DLG2: variants seen among roughly 807,000 people sequenced by gnomAD.
DLG2 encodes the protein discs large MAGUK scaffold protein 2.
DLG2 carries 45 observed loss-of-function variants against 132.5 expected under a neutral mutation model. The observed-to-expected ratio is 0.34, with a 90% CI of 0.27 to 0.44. DLG2 has a LOEUF of 0.44. Among genes scored for constraint, DLG2 ranks in the 20% least tolerant of loss-of-function variants. The pLI, the probability that DLG2 is intolerant of heterozygous loss-of-function variation, is 1.00. For missense variants in DLG2, 1,045 were observed against 1,196.9 expected, an observed-to-expected ratio of 0.87 and a Z score of 1.87; for synonymous variants, 424 against 419.6, an observed-to-expected ratio of 1.01 and a Z score of -0.13.
chr11:83,712,190 T>C lies in DLG2; in HGVS notation c.1825+74500A>G, dbSNP rs146151371. Among the ~76,000 whole-genome samples the C allele has an allele frequency of 6.6e-3, 1,006 of 152,272 alleles. 10 individuals are homozygous for C. Among genetic ancestry groups the C allele is most frequent in the African/African-American group, 0.023 (950 of 41,534 alleles). On this transcript the variant is annotated intron_variant, in intron 18 of 27. Coordinates refer to ENST00000376104, the MANE Select transcript of DLG2 (RefSeq NM_001142699.3). Reference sequence around the variant, plus strand: ...ACCTAAAGGAATATAAGTCATTCTATTATAAAGATACATGCACGTGTATGT... The same window carrying C: ...ACCTAAAGGAATATAAGTCATTCTACTATAAAGATACATGCACGTGTATGT...
chr11:83,480,148 A>G (rs998426448), intron 22 of DLG2, among the ~76,000 whole-genome samples: 1 of 152,118 alleles, frequency 6.6e-6, no homozygotes, highest in African/African-American at 2.4e-5. Context: ...GGAATTGTTT[A>G]TTAGCAAGAC....
At chr11:85,150,010 A>ATTTTTTTTTTTTTTTTTTTTT (rs962380618) in intron 5 of DLG2, among the ~76,000 whole-genome samples, 8 of 112,302 alleles carry the variant, frequency 7.1e-5, no homozygotes, top group Admixed American at 9.1e-5. Flanking sequence ...TCAGTTTTTA[A>ATTTTTTTTTTTTTTTTTTTTT]TTTTTTTTTT....
At chr11:83,820,448 A>G (rs528211951) in intron 17 of DLG2, among the ~76,000 whole-genome samples, 2 of 152,192 alleles carry the variant, frequency 1.3e-5, no homozygotes, top group Non-Finnish European at 2.9e-5. Flanking sequence ...AGAAACAACC[A>G]ATTATTATCA....
At chr11:84,201,113 A>C (rs1382312225) in intron 8 of DLG2, among the ~76,000 whole-genome samples, 1 of 152,114 alleles carries the variant, frequency 6.6e-6, no homozygotes, top group African/African-American at 2.4e-5. Flanking sequence ...ATTTTGAGGT[A>C]TGTTCCTTCA....
intron 3 of DLG2, among the ~76,000 whole-genome samples, chr11:85,559,133 T>C (rs1598508387): frequency 2.0e-5 from 3 of 151,280 alleles, no homozygotes; most frequent in Admixed American, 2.0e-4. Flanking sequence ...TCACATATTA[T>C]ATGGCTTCCA....
At chr11:84,393,517 G>C (rs2098800279) in intron 7 of DLG2, among the ~76,000 whole-genome samples, 1 of 152,028 alleles carries the variant, frequency 6.6e-6, no homozygotes, top group African/African-American at 2.4e-5. Flanking sequence ...GAACTATATA[G>C]AAACAGAATC....
chr11:83,747,174 T>C (rs1451305783), intron 18 of DLG2, among the ~76,000 whole-genome samples: 1 of 152,188 alleles, frequency 6.6e-6, no homozygotes, highest in Non-Finnish European at 1.5e-5. Context: ...CTGCAGCCAG[T>C]ATCATACTTC....
At chr11:83,495,257 G>A (rs897451426) in intron 21 of DLG2, among the ~76,000 whole-genome samples, 2 of 152,132 alleles carry the variant, frequency 1.3e-5, no homozygotes, top group Non-Finnish European at 2.9e-5. Flanking sequence ...GGGAGGTATA[G>A]GGAGAGGTAT....
chr11:83,647,232 C>G (rs1201730704), intron 18 of DLG2: 1 of 141,158 alleles, frequency 7.1e-6, no homozygotes, highest in Admixed American at 7.8e-5. Flanking sequence ...GCCTGGTTAC[C>G]AGGTTCTGGG....
At chr11:85,540,375 A>C (rs2075885625) in intron 3 of DLG2, among the ~76,000 whole-genome samples, 1 of 152,164 alleles carries the variant, frequency 6.6e-6, no homozygotes, top group African/African-American at 2.4e-5. Flanking sequence ...GACAGACACC[A>C]GCAGATGCTG....
chr11:85,178,251 T>A (rs1211789324), intron 4 of DLG2, among the ~76,000 whole-genome samples: 1 of 151,996 alleles, frequency 6.6e-6, no homozygotes, highest in African/African-American at 2.4e-5. Flanking sequence ...CAGTGAAGTA[T>A]TCAGGGAAAA....
At chr11:83,680,562 GGCAGCC>G (rs1200422394) in intron 18 of DLG2, among the ~76,000 whole-genome samples, 2 of 152,034 alleles carry the variant, frequency 1.3e-5, no homozygotes, top group Non-Finnish European at 2.9e-5. Flanking sequence ...CCCCTTGTGG[GGCAGCC>G]GCTTGTGGAT....
rs10587472 is a variant in DLG2, at chr11:84,611,024, TACACACACACACACAC to T, written c.358-76309_358-76294del. 1.2e-4 allele frequency among the ~76,000 whole-genome samples: 16 copies of T among 138,200 alleles called. No individual in the cohort carries two copies. The South Asian group carries it at 2.0e-3, about 17-fold the overall frequency. 90.7% of individuals were successfully genotyped at this position (138,200 alleles called of 152,430 possible). ...GTGTACCACTGTCTGTTAGATGACA[TACACACACACACACAC>T]ACACACACACACACACACACACACA... On this transcript the variant is annotated intron_variant, in intron 6 of 27. Coordinates refer to ENST00000376104, the MANE Select transcript of DLG2 (RefSeq NM_001142699.3).
intron 11 of DLG2, among the ~76,000 whole-genome samples, chr11:84,010,149 C>T (rs893994250): frequency 2.6e-5 from 4 of 151,828 alleles, no homozygotes; most frequent in African/African-American, 7.3e-5. Flanking sequence ...TTTCTCACAC[C>T]GGCATCAGCT....
intron 4 of DLG2, among the ~76,000 whole-genome samples, chr11:85,216,674 G>C (rs1012042423): frequency 6.6e-6 from 1 of 152,036 alleles, no homozygotes; most frequent in African/African-American, 2.4e-5. Context: ...TCACCTAGTT[G>C]AGAAGCACCC....
intron 3 of DLG2, among the ~76,000 whole-genome samples, chr11:85,340,198 A>C (rs182997496): frequency 6.6e-6 from 1 of 152,360 alleles, no homozygotes; most frequent in African/African-American, 2.4e-5. Flanking sequence ...ACATATGTTT[A>C]TTGTGGCACT....
At chr11:85,477,261 T>C (rs1216138049) in intron 3 of DLG2, among the ~76,000 whole-genome samples, 1 of 152,212 alleles carries the variant, frequency 6.6e-6, no homozygotes, top group East Asian at 1.9e-4. Flanking sequence ...GCTATTTTTA[T>C]GATAAAATAT....
chr11:85,431,455 C>A (rs1283396099), intron 3 of DLG2, among the ~76,000 whole-genome samples: 1 of 152,232 alleles, frequency 6.6e-6, no homozygotes, highest in East Asian at 1.9e-4. Context: ...AGGACCTTGG[C>A]TCCCAACCAC....
intron 4 of DLG2, among the ~76,000 whole-genome samples, chr11:85,216,516 A>C (rs763160741): frequency 3.9e-5 from 6 of 152,150 alleles, no homozygotes; most frequent in Non-Finnish European, 8.8e-5. Context: ...GATTCCTAGG[A>C]AAGTTATACA....
Sources: allele counts gnomAD v4.1 joint callset (sites outside exome capture counted in the v4.1 genomes callset), GRCh38; gene constraint gnomAD v4.1.1; transcripts MANE v1.5; gene names NCBI Gene and HGNC (gene_info 2026-07-23, HGNC 2026-07-21).